RBM6: variants seen among roughly 807,000 people sequenced by gnomAD.
The protein encoded by RBM6 is RNA-binding protein 6.
Under a neutral mutation model 140.4 loss-of-function variants are expected in RBM6, and 23 were observed. That is an observed-to-expected ratio of 0.16 (90% CI 0.12 to 0.23). The LOEUF is 0.23. Among genes scored for constraint, RBM6 ranks in the 10% least tolerant of loss-of-function variants. RBM6 has a pLI of 1.00. For synonymous variants in RBM6, 439 were observed against 475.6 expected (o/e 0.92, Z 1.00); for missense variants, 1,139 against 1,386.7 (o/e 0.82, Z 2.84).
At chr3:50,023,690 GCT>G (rs2087639885) in intron 6 of RBM6, among the ~76,000 whole-genome samples, 1 of 94,928 alleles carries the variant, frequency 1.1e-5, no homozygotes, top group African/African-American at 4.2e-5. Flanking sequence ...ACAGATTCTT[GCT>G]CTGTCACCCA....
intron 1 of RBM6, among the ~76,000 whole-genome samples, chr3:49,958,620 G>A (rs13077403): frequency 0.35 from 52,208 of 149,526 alleles, 9,562 homozygotes; most frequent in Non-Finnish European, 0.43. Context: ...GCGTGGTGGC[G>A]GGCGCCTGTA....
At chr3:50,053,497 C>T (rs571983156) in intron 7 of RBM6, among the ~76,000 whole-genome samples, 1 of 151,996 alleles carries the variant, frequency 6.6e-6, no homozygotes, top group African/African-American at 2.4e-5. Flanking sequence ...TGCCGTTGCA[C>T]TCCAGCCTGG....
intron 10 of RBM6, chr3:50,058,848 G>A (rs557665007): frequency 7.3e-5 from 15 of 204,266 alleles, no homozygotes; most frequent in African/African-American, 2.7e-4. Context: ...CTCCGGAGGC[G>A]GAGCTTGCAG....
At chr3:49,983,454 A>G (rs2085402435) in intron 5 of RBM6, among the ~76,000 whole-genome samples, 1 of 146,608 alleles carries the variant, frequency 6.8e-6, no homozygotes, top group South Asian at 2.1e-4. Flanking sequence ...TGTCTCAAAA[A>G]AAGGAAAAAA....
intron 6 of RBM6, among the ~76,000 whole-genome samples, chr3:50,016,704 G>GCAT (rs2087168203): frequency 6.6e-6 from 1 of 151,964 alleles, no homozygotes; most frequent in Non-Finnish European, 1.5e-5. Flanking sequence ...GTGTCTTGCT[G>GCAT]CATCACACAG....
intron 1 of RBM6, among the ~76,000 whole-genome samples, chr3:49,948,726 A>T (rs1243989787): frequency 6.6e-6 from 1 of 150,754 alleles, no homozygotes; most frequent in Non-Finnish European, 1.5e-5. Flanking sequence ...AGAAAAAAAA[A>T]AAAAAGAATT....
intron 6 of RBM6, among the ~76,000 whole-genome samples, chr3:50,043,395 A>C (rs1250376269): frequency 2.6e-5 from 4 of 151,386 alleles, no homozygotes; most frequent in Admixed American, 2.6e-4. Context: ...AAACAGGAGA[A>C]TCGCTTGAAC....
intron 5 of RBM6, among the ~76,000 whole-genome samples, chr3:49,988,179 CTG>C (rs2085652551): frequency 1.3e-5 from 2 of 152,172 alleles, no homozygotes; most frequent in Admixed American, 6.5e-5. Flanking sequence ...GGGTCTTACT[CTG>C]TTGCTCAGGC....
At chr3:50,044,263 A>G (rs1385663637) in intron 6 of RBM6, among the ~76,000 whole-genome samples, 1 of 152,146 alleles carries the variant, frequency 6.6e-6, no homozygotes, top group African/African-American at 2.4e-5. Context: ...TAATAACTCA[A>G]TAAATCAAAA....
At chr3:50,033,117 A>G (rs985698661) in intron 6 of RBM6, among the ~76,000 whole-genome samples, 1 of 151,566 alleles carries the variant, frequency 6.6e-6, no homozygotes, top group Non-Finnish European at 1.5e-5. Context: ...GCCAACATGG[A>G]GAAACCCAGT....
intron 1 of RBM6, among the ~76,000 whole-genome samples, chr3:49,943,669 G>A (rs1275816364): frequency 6.6e-6 from 1 of 151,950 alleles, no homozygotes; most frequent in African/African-American, 2.4e-5. Flanking sequence ...GCCTATGCTG[G>A]TCTCAAACTC....
chr3:50,038,528 G>T (rs1230287804), intron 6 of RBM6, among the ~76,000 whole-genome samples: 1 of 152,088 alleles, frequency 6.6e-6, no homozygotes, highest in Non-Finnish European at 1.5e-5. Flanking sequence ...ATATAAAAGT[G>T]TTATAGAAAT....
intron 17 of RBM6, among the ~76,000 whole-genome samples, chr3:50,066,831 A>AAAAACAAAACAAAAC (rs60655677): frequency 2.2e-4 from 33 of 149,712 alleles, no homozygotes; most frequent in East Asian, 8.1e-4. Context: ...CCATCTCTTA[A>AAAAACAAAACAAAAC]AAAACAAAAC....
chr3:49,956,786 C>T (rs1463969873), intron 1 of RBM6, among the ~76,000 whole-genome samples: 1 of 151,780 alleles, frequency 6.6e-6, no homozygotes, highest in Non-Finnish European at 1.5e-5. Flanking sequence ...CTGCCTCAGC[C>T]TCCTGAGTAG....
intron 19 of RBM6, among the ~76,000 whole-genome samples, chr3:50,072,101 A>G (rs866984471): frequency 0.032 from 4,585 of 145,462 alleles, 266 homozygotes; most frequent in African/African-American, 0.11. Flanking sequence ...AAAAAAAAAA[A>G]AAAAGAAAAG....
At chr3:50,034,134 C>T (rs1399292819) in intron 6 of RBM6, among the ~76,000 whole-genome samples, 2 of 147,420 alleles carry the variant, frequency 1.4e-5, no homozygotes, top group African/African-American at 5.0e-5. Flanking sequence ...ACTCTTGTTG[C>T]CACCACACTC....
At chr3:50,002,761 T>A (rs4688756) in intron 6 of RBM6, among the ~76,000 whole-genome samples, 66,399 of 152,016 alleles carry the variant, frequency 0.44, 15,140 homozygotes, top group Non-Finnish European at 0.51. Context: ...ACTAATTCTT[T>A]AAGGAAATGG....
chr3:49,975,658 T>C (rs1451505346), intron 5 of RBM6, among the ~76,000 whole-genome samples: 1 of 152,226 alleles, frequency 6.6e-6, no homozygotes, highest in Non-Finnish European at 1.5e-5. Flanking sequence ...CTTGAATATA[T>C]TTTATATAAT....
chr3:49,948,106 A>G (rs2083571630), intron 1 of RBM6, among the ~76,000 whole-genome samples: 1 of 152,168 alleles, frequency 6.6e-6, no homozygotes, highest in South Asian at 2.1e-4. Context: ...TCTTAAAAAA[A>G]AAAGAAAATT....
Sources: allele counts gnomAD v4.1 joint callset (sites outside exome capture counted in the v4.1 genomes callset), GRCh38; gene constraint gnomAD v4.1.1; transcripts MANE v1.5; gene names NCBI Gene and HGNC (gene_info 2026-07-23, HGNC 2026-07-21).